Variants in BABAM2 observed in about 807,000 individuals in gnomAD.
BABAM2 encodes the protein BRISC and BRCA1-A complex member 2.
In BABAM2, 31 loss-of-function variants were observed where a neutral mutation model predicts 54.7. The observed-to-expected ratio is 0.57, with a 90% CI of 0.43 to 0.77. BABAM2 has a LOEUF of 0.77. Ranked by LOEUF, BABAM2 falls within the 30% of genes least tolerant of loss-of-function variation. The pLI is 0.00. For missense variants in BABAM2, 364 were observed against 455.8 expected (o/e 0.80, Z 1.83); for synonymous variants, 167 against 162.9 (o/e 1.03, Z -0.19).
chr2:28,110,059 C>T (rs1210839202), intron 6 of BABAM2, among the ~76,000 whole-genome samples: 1 of 152,108 alleles, frequency 6.6e-6, no homozygotes, highest in Non-Finnish European at 1.5e-5. Flanking sequence ...ACCACCATTC[C>T]ACTTTCTGTC....
chr2:27,929,758 A>C (rs1003007304), intron 2 of BABAM2, 74 bp from the exon 3 acceptor site: 2 of 1,337,194 alleles, frequency 1.5e-6, no homozygotes, highest in African/African-American at 2.9e-5. Flanking sequence ...TTTGTTTAGT[A>C]TCATAAACAT....
intron 6 of BABAM2, among the ~76,000 whole-genome samples, chr2:28,069,630 G>A (rs2148655866): frequency 6.6e-6 from 1 of 152,272 alleles, no homozygotes. Flanking sequence ...TGACTGCCGA[G>A]TAAATGCAAG....
chr2:28,001,550 T>G (rs995200370), intron 4 of BABAM2, among the ~76,000 whole-genome samples: 10 of 152,156 alleles, frequency 6.6e-5, no homozygotes, highest in African/African-American at 2.4e-4. Flanking sequence ...AAAGAAAGTG[T>G]GTTCTTGTGT....
chr2:28,047,933 C>A (rs1677718236), intron 6 of BABAM2, among the ~76,000 whole-genome samples: 1 of 152,276 alleles, frequency 6.6e-6, no homozygotes, highest in African/African-American at 2.4e-5. Flanking sequence ...TATCTACATT[C>A]CTAAAGTTGT....
chr2:27,967,829 C>T (rs1319659425), intron 3 of BABAM2, among the ~76,000 whole-genome samples: 2 of 152,174 alleles, frequency 1.3e-5, no homozygotes, highest in African/African-American at 2.4e-5. Flanking sequence ...CGGCATTTTG[C>T]CCCTGCCCTT....
chr2:28,110,610 C>A lies in BABAM2; in HGVS notation c.571-18661C>A, dbSNP rs187371589. Among the ~76,000 whole-genome samples, 7 of 150,742 alleles carry A rather than the reference C, an allele frequency of 4.6e-5. No homozygotes were observed. In the East Asian group the frequency reaches 1.2e-3, roughly 25 times the overall value. ...TTGCACTCCAGCCTGGGTGACAGAG[C>A]GAGACTCCATCTCAAAAAAAAATAA... On this transcript the variant is annotated intron_variant, in intron 6 of 11. Transcript: ENST00000379624.
intron 7 of BABAM2, among the ~76,000 whole-genome samples, chr2:28,206,581 T>C (rs1198237105): frequency 6.6e-6 from 1 of 152,160 alleles, no homozygotes; most frequent in Admixed American, 6.5e-5. Flanking sequence ...CCACCAGTGC[T>C]CCACTCACCC....
At chr2:28,303,570 A>G (rs1391667680) in intron 11 of BABAM2, among the ~76,000 whole-genome samples, 1 of 152,178 alleles carries the variant, frequency 6.6e-6, no homozygotes, top group Non-Finnish European at 1.5e-5. Context: ...TGAAATCAGG[A>G]AAGGTATACC....
intron 3 of BABAM2, among the ~76,000 whole-genome samples, chr2:27,960,940 A>G (rs747077242): frequency 1.2e-4 from 19 of 152,252 alleles, no homozygotes; most frequent in Admixed American, 5.9e-4. Flanking sequence ...TTTGCTGAAT[A>G]GGAAGCAAAC....
intron 7 of BABAM2, among the ~76,000 whole-genome samples, chr2:28,175,419 C>T (rs1573754702): frequency 2.0e-5 from 3 of 152,296 alleles, no homozygotes; most frequent in African/African-American, 7.2e-5. Context: ...GGCACTGCTA[C>T]CCCCTCCCAG....
chr2:28,053,495 G>A (rs182508756), intron 6 of BABAM2, among the ~76,000 whole-genome samples: 5 of 152,230 alleles, frequency 3.3e-5, no homozygotes, highest in Admixed American at 6.5e-5. Context: ...ATAAAAGTAG[G>A]GTGCTGTTTA....
intron 3 of BABAM2, among the ~76,000 whole-genome samples, chr2:27,963,469 CAAAAAAA>C (rs760525051): frequency 5.3e-4 from 29 of 54,404 alleles, no homozygotes; most frequent in South Asian, 3.7e-3. Flanking sequence ...GACTCTTTCT[CAAAAAAA>C]AAAAAAAAAA....
chr2:28,163,497 A>G (rs1673312545), intron 7 of BABAM2, among the ~76,000 whole-genome samples: 1 of 152,148 alleles, frequency 6.6e-6, no homozygotes, highest in African/African-American at 2.4e-5. Flanking sequence ...GCTGGGGACA[A>G]AGGTCTAGGA....
chr2:28,109,097 G>A (rs1484889979), intron 6 of BABAM2, among the ~76,000 whole-genome samples: 1 of 151,732 alleles, frequency 6.6e-6, no homozygotes, highest in Non-Finnish European at 1.5e-5. Context: ...CACTACAGCT[G>A]ACCAGGGGAG....
intron 7 of BABAM2, among the ~76,000 whole-genome samples, chr2:28,230,656 T>A (rs190562710): frequency 1.5e-3 from 231 of 149,278 alleles, no homozygotes; most frequent in South Asian, 4.7e-3. Context: ...CCTGGGAAGT[T>A]GAGGCTGCAG....
chr2:28,109,333 C>T (rs952849309), intron 6 of BABAM2, among the ~76,000 whole-genome samples: 11 of 151,906 alleles, frequency 7.2e-5, no homozygotes, highest in South Asian at 2.1e-4. Context: ...GGACTACAGG[C>T]GCCCGCCACC....
At chr2:28,217,420 C>A (rs1009484987) in intron 7 of BABAM2, among the ~76,000 whole-genome samples, 6 of 152,166 alleles carry the variant, frequency 3.9e-5, no homozygotes, top group Non-Finnish European at 8.8e-5. Context: ...TTCTGAGCAT[C>A]CAGTTGAACT....
At chr2:27,962,143 T>G (rs1245763432) in intron 3 of BABAM2, among the ~76,000 whole-genome samples, 3 of 152,092 alleles carry the variant, frequency 2.0e-5, no homozygotes, top group Non-Finnish European at 2.9e-5. Flanking sequence ...GATCTCACTC[T>G]GTGTCACCCA....
chr2:28,236,394 C>T (rs1191628415), intron 7 of BABAM2, among the ~76,000 whole-genome samples: 6 of 146,976 alleles, frequency 4.1e-5, no homozygotes, highest in African/African-American at 1.5e-4. Context: ...GACCGAGTCT[C>T]ACTGTATCGC....
Sources: allele counts gnomAD v4.1 joint callset (sites outside exome capture counted in the v4.1 genomes callset), GRCh38; gene constraint gnomAD v4.1.1; transcripts MANE v1.5; gene names NCBI Gene and HGNC (gene_info 2026-07-23, HGNC 2026-07-21).